The following ZDHHC6 variants were observed in gnomAD, a reference collection of about 807,000 sequenced individuals.
ZDHHC6 encodes the protein zDHHC palmitoyltransferase 6, also known as palmitoyltransferase ZDHHC6.
In ZDHHC6, 32 loss-of-function variants were observed where a neutral mutation model predicts 57.8. That is an observed-to-expected ratio of 0.55 (90% CI 0.42 to 0.74). ZDHHC6 has a LOEUF of 0.74. ZDHHC6 is among the 30% of genes least tolerant of loss of function. The pLI, the probability that ZDHHC6 is intolerant of heterozygous loss-of-function variation, is 0.00. For missense variants in ZDHHC6, 433 were observed against 500.7 expected (o/e 0.86, Z 1.29); for synonymous variants, 128 against 158.0 (o/e 0.81, Z 1.42).
In ZDHHC6 at chr10:112,442,304, C is replaced by T. The variant is rs1391935684; in HGVS notation, c.407G>A (p.Cys136Tyr). The change falls in exon 4 of 11, where the codon TGT (cysteine) becomes TAT (tyrosine). Residue 136 changes from cysteine to tyrosine, a missense_variant. By Grantham distance (194) the Cys-to-Tyr change is radical. Coordinates refer to ENST00000369405, the MANE Select transcript of ZDHHC6 (RefSeq NM_022494.3). ...DHHCPWINNC[C>Y]GYQNHASFTL... Reference sequence around the variant, plus strand: ...GAACGAAGCATGATTTTGGTAACCACAACAGTTGTTGATCCAAGGACAGTG... The same window carrying T: ...GAACGAAGCATGATTTTGGTAACCATAACAGTTGTTGATCCAAGGACAGTG... 6.2e-7 allele frequency: 1 copy of T among 1,613,952 alleles called. No individual in the cohort carries two copies. Among genetic ancestry groups the T allele is most frequent in the Admixed American group, 1.7e-5 (1 of 59,992 alleles).
At chr10:112,442,666 A>C (rs1846235378) in intron 3 of ZDHHC6, among the ~76,000 whole-genome samples, 1 of 152,136 alleles carries the variant, frequency 6.6e-6, no homozygotes. Flanking sequence ...ATTATAAAGA[A>C]ATGAGCATGG....
At position 112,434,421 on chromosome 10, in the gene ZDHHC6, A is replaced by G. The variant is rs549740999; in HGVS notation, c.779T>C (p.Val260Ala). 1 of 1,613,948 alleles carries G rather than the reference A, an allele frequency of 6.2e-7. No homozygotes were observed. The highest frequency in any genetic ancestry group is 1.7e-5 in the Admixed American group (1 of 60,008). The change falls in exon 7 of 11, where the codon GTT (valine) becomes GCT (alanine). Residue 260 changes from valine to alanine, a missense_variant. Coordinates refer to ENST00000369405, the MANE Select transcript of ZDHHC6 (RefSeq NM_022494.3). ...IQYYQLDEVF[V>A]FPYDMGSRWR... The stretch of plus-strand genomic sequence containing the variant: ...TCTACTTCCCATATCATATGGAAAA[A>G]CAAAGACTTCATCTAGTTGATAATA...
intron 5 of ZDHHC6, among the ~76,000 whole-genome samples, chr10:112,440,218 G>GT (rs1348348239): frequency 2.0e-5 from 3 of 152,100 alleles, no homozygotes; most frequent in Non-Finnish European, 4.4e-5. Flanking sequence ...AGGGAAAACA[G>GT]TAAGACTCCT....
downstream of ZDHHC6, chr10:112,427,452 ATT>A: frequency 3.3e-6 from 4 of 1,225,022 alleles, no homozygotes; most frequent in Non-Finnish European, 4.4e-6. Context: ...CTTTCCTCCT[ATT>A]TTTTTTTAAC....
At chr10:112,443,367 C>A in intron 3 of ZDHHC6, 148 bp downstream of exon 3, 1 of 542,474 alleles carries the variant, frequency 1.8e-6, no homozygotes. Context: ...TATAAAATGG[C>A]GATTATGGAC....
chr10:112,443,521 C>G lies in ZDHHC6; in HGVS notation c.353G>C (p.Cys118Ser), dbSNP rs141897265. 79 of 1,613,530 alleles carry G rather than the reference C, an allele frequency of 4.9e-5. No homozygotes were observed. Among genetic ancestry groups the G allele is most frequent in the Non-Finnish European group, 6.2e-5 (73 of 1,179,668 alleles). The change falls in exon 3 of 11, where the codon TGT (cysteine) becomes TCT (serine). Residue 118 changes from cysteine to serine, a missense_variant. Physicochemically the swap from Cys to Ser is moderately radical, Grantham distance 112. Coordinates refer to ENST00000369405, the MANE Select transcript of ZDHHC6 (RefSeq NM_022494.3). ...KAPRSHHCRK[C>S]NRCVMKMDHH... The stretch of plus-strand genomic sequence containing the variant: ...CAGCAAGAAAGACAGGTACCTGTTA[C>G]ACTTTCTGCAGTGATGTGAACGTGG...
At chr10:112,433,126 T>C (rs1158027782) in intron 8 of ZDHHC6, 114 bp downstream of exon 8, 4 of 767,654 alleles carry the variant, frequency 5.2e-6, no homozygotes, top group Non-Finnish European at 7.7e-6. Context: ...TATTAAGGAA[T>C]ACTATTTAAT....
At chr10:112,438,429 T>G (rs1049210661) in intron 5 of ZDHHC6, 40 bp from the exon 6 acceptor site, 1 of 1,309,622 alleles carries the variant, frequency 7.6e-7, no homozygotes, top group Admixed American at 3.3e-5. Context: ...AATGCGACCT[T>G]GGTTCCTTTA....
chr10:112,426,860 G>C, downstream of ZDHHC6: 1 of 1,609,822 alleles, frequency 6.2e-7, no homozygotes, highest in Non-Finnish European at 8.5e-7. Context: ...TTTTGAACAG[G>C]TGTGTGCTAC....
intron 1 of ZDHHC6, among the ~76,000 whole-genome samples, 179 bp from the exon 2 acceptor site, chr10:112,445,829 T>C (rs896776948): frequency 6.6e-6 from 1 of 152,240 alleles, no homozygotes; most frequent in Non-Finnish European, 1.5e-5. Context: ...ATCCAAAATA[T>C]GGTACAAGTT....
chr10:112,438,434 CCTTT>C, intron 5 of ZDHHC6, 45 bp from the exon 6 acceptor site: 1 of 1,277,498 alleles, frequency 7.8e-7, no homozygotes, highest in Middle Eastern at 1.9e-4. Context: ...GACCTTGGTT[CCTTT>C]AAGATTATCA....
chr10:112,434,491 C>A (rs1414260547), intron 6 of ZDHHC6, 27 bp from the exon 7 acceptor site: 5 of 1,596,266 alleles, frequency 3.1e-6, no homozygotes, highest in Non-Finnish European at 2.6e-6. Context: ...TATAAGATGG[C>A]AGGTGCCTCT....
At chr10:112,427,316 T>C (rs773700434), downstream of ZDHHC6, 2 of 1,613,710 alleles carry the variant, frequency 1.2e-6, no homozygotes, top group South Asian at 2.2e-5. Flanking sequence ...CCAAATACTT[T>C]CGGACCCAAA....
intron 6 of ZDHHC6, among the ~76,000 whole-genome samples, chr10:112,437,571 A>G (rs1252001293): frequency 6.6e-6 from 1 of 152,252 alleles, no homozygotes; most frequent in Non-Finnish European, 1.5e-5. Context: ...TCGAAGCAAC[A>G]TATCTCAACA....
intron 2 of ZDHHC6, among the ~76,000 whole-genome samples, chr10:112,444,408 G>T (rs1846442769): frequency 1.3e-5 from 2 of 152,178 alleles, no homozygotes; most frequent in Admixed American, 1.3e-4. Context: ...ATAGTTTAGT[G>T]ATTTGCACAA....
Position 112,430,824 on chromosome 10 carries a change from C to A in ZDHHC6, c.1222G>T (p.Gly408Trp), listed in dbSNP as rs760055505. The A allele has an allele frequency of 2.7e-5, 44 of 1,612,748 alleles. No individual in the cohort carries two copies. The highest frequency in any genetic ancestry group is 2.7e-4 in the Admixed American group (16 of 59,864). The stretch of plus-strand genomic sequence containing the variant: ...AGCAGCTATCTATTTTTCTTCTCCC[C>A]CTCTGGGGCTTGATCTGTTTCAGCA... ...CDAETDQAPEGEKKNR is the reference protein window; with the variant it reads ...CDAETDQAPEWEKKNR The change falls in exon 11 of 11, where the codon GGG becomes TGG. Residue 408 changes from glycine to tryptophan, a missense_variant. Coordinates refer to ENST00000369405, the MANE Select transcript of ZDHHC6 (RefSeq NM_022494.3).
chr10:112,440,737 T>C (rs375961578), intron 4 of ZDHHC6, 42 bp from the exon 5 acceptor site: 106 of 1,582,048 alleles, frequency 6.7e-5, no homozygotes, highest in Middle Eastern at 1.7e-4. Context: ...TGTTTGGTTA[T>C]GGTAACTGGT....
Position 112,432,260 on chromosome 10 carries a change from A to G in ZDHHC6, c.1118T>C (p.Leu373Pro). The change falls in exon 10 of 11, where the codon CTT (leucine) becomes CCT (proline). Residue 373 changes from leucine to proline, a missense_variant. Leu to Pro is a moderately conservative substitution (Grantham distance 98, BLOSUM62 -3). Coordinates refer to ENST00000369405, the MANE Select transcript of ZDHHC6 (RefSeq NM_022494.3). Reference protein sequence around the residue: ...LRYWLYGDKILDDSFIEGVSR... With the variant: ...LRYWLYGDKIPDDSFIEGVSR... ...CATACCTTCTATAAAGGAATCATCA[A>G]GAATTTTGTCTCCATATAACCAGTA... 6.2e-7 allele frequency: 1 copy of G among 1,607,078 alleles called. No individual in the cohort carries two copies. The highest frequency in any genetic ancestry group is 8.5e-7 in the Non-Finnish European group (1 of 1,178,256).
rs568963262 is a variant in ZDHHC6 at position 112,441,170 on chromosome 10, G to C, written c.520-475C>G. On this transcript the variant is annotated intron_variant, in intron 4 of 10. Transcript: ENST00000369405. ...AGCTATTTTTAATTAATATAGTAATGAGCTCGGACCGATGTGCAGGATATC... is the reference window on the plus strand; with the variant it reads ...AGCTATTTTTAATTAATATAGTAATCAGCTCGGACCGATGTGCAGGATATC... Among the ~76,000 whole-genome samples the C allele has an allele frequency of 8.5e-4, 129 of 152,236 alleles. 4 individuals are homozygous for C. In the South Asian group the frequency reaches 0.022, roughly 26 times the overall value.
Sources: gnomAD v4.1 joint callset for allele counts (sites outside exome capture counted in the v4.1 genomes callset) on GRCh38, gnomAD v4.1.1 for gene constraint, MANE v1.5 for transcripts, NCBI Gene and HGNC (gene_info 2026-07-23, HGNC 2026-07-21) for gene names.